TRPV1: variants seen among roughly 807,000 people sequenced by gnomAD.
The protein encoded by TRPV1 is OTRPC1.
TRPV1 carries 82 observed loss-of-function variants against 82.3 expected under a neutral mutation model. That is an observed-to-expected ratio of 1.00 (90% CI 0.83 to 1.20). The LOEUF is 1.20. Ranked by LOEUF, TRPV1 falls within the 50% of genes most tolerant of loss-of-function variation. The pLI, the probability that TRPV1 is intolerant of heterozygous loss-of-function variation, is 0.00. For synonymous variants in TRPV1, 515 were observed against 467.7 expected, an observed-to-expected ratio of 1.10 and a Z score of -1.30; for missense variants, 1,067 against 1,096.8, an observed-to-expected ratio of 0.97 and a Z score of 0.38.
In TRPV1 at chr17:3,581,033, A is replaced by T. The variant is rs868135940; in HGVS notation, c.1477-506T>A. Among the ~76,000 whole-genome samples the T allele has an allele frequency of 2.8e-3, 427 of 150,770 alleles. 4 individuals carry two copies. Among genetic ancestry groups the T allele is most frequent in the Middle Eastern group, 0.017 (5 of 292 alleles). Reference sequence around the variant, plus strand: ...CTCCATCTCAAAAAAAAAAAAAAAAATTACACAGTGGATTTACAACTATAC... The same window carrying T: ...CTCCATCTCAAAAAAAAAAAAAAAATTTACACAGTGGATTTACAACTATAC... On this transcript the variant is annotated intron_variant, in intron 10 of 16. Transcript: ENST00000572705.
chr17:3,573,551 C>CCCCCCCCCCCCCCCCGTG, intron 14 of TRPV1, 82 bp downstream of exon 14: 1 of 635,234 alleles, frequency 1.6e-6, no homozygotes, highest in Non-Finnish European at 2.1e-6. Context: ...ACCCACCCAC[C>CCCCCCCCCCCCCCCCGTG]TGCAGCCAGC....
Position 3,606,307 on chromosome 17 carries a change from G to A in TRPV1, c.-34+2120C>T, listed in dbSNP as rs982062695. Among the ~76,000 whole-genome samples, 16 of 152,282 alleles carry A rather than the reference G, an allele frequency of 1.1e-4. No individual in the cohort carries two copies. The East Asian group carries it at 2.9e-3, about 28-fold the overall frequency. On this transcript the variant is annotated intron_variant, in intron 2 of 16. Transcript: ENST00000572705. The stretch of plus-strand genomic sequence containing the variant: ...CTGCACGTCCCTCGCTGGTTGGTGA[G>A]AACTCTACACCACACTGTCCTCACT...
At chr17:3,604,308 G>C (rs2075283444) in intron 2 of TRPV1, among the ~76,000 whole-genome samples, 1 of 152,056 alleles carries the variant, frequency 6.6e-6, no homozygotes, top group Non-Finnish European at 1.5e-5. Context: ...CAGAAGAAGA[G>C]AAAAATAGGC....
In TRPV1 at chr17:3,583,366, A is replaced by AAC; in HGVS notation, c.1446_1447dup (p.Leu483CysfsTer2). ...TCGGAAAAAGAAGTAGACTCCTCCT[A>AAC]ACACAGACAGGATCTCTCCAGTAAC... On this transcript the variant is annotated frameshift_variant, in exon 10 of 17. Transcript: ENST00000572705. LOFTEE classifies it high-confidence loss of function. 6.2e-7 allele frequency: 1 copy of AAC among 1,610,406 alleles called. No homozygotes were observed. The highest frequency in any genetic ancestry group is 8.5e-7 in the Non-Finnish European group (1 of 1,178,314).
At chr17:3,601,019 GC>G (rs2075258193) in intron 2 of TRPV1, among the ~76,000 whole-genome samples, 1 of 151,782 alleles carries the variant, frequency 6.6e-6, no homozygotes, top group Admixed American at 6.6e-5. Flanking sequence ...AAGCCCACAA[GC>G]CCCCTCCCCC....
chr17:3,580,233 C>T (rs751396215), intron 11 of TRPV1, among the ~76,000 whole-genome samples: 21 of 152,202 alleles, frequency 1.4e-4, no homozygotes, highest in Non-Finnish European at 2.4e-4. Flanking sequence ...CCGTCTCACT[C>T]GGACTGTAAG....
chr17:3,591,347 CA>C lies in TRPV1; in HGVS notation c.290del (p.Leu97ArgfsTer64). The C allele has an allele frequency of 6.4e-7, 1 of 1,574,748 alleles. No homozygotes were observed. The highest frequency in any genetic ancestry group is 8.6e-7 in the Non-Finnish European group (1 of 1,162,012). ...PGDGPTGARLLSQDSVAASTE... is the reference protein window; with the variant it reads ...PGDGPTGARLXSQDSVAASTE... ...TGCTGGCGGCGACAGAGTCCTGGGACAGCAGCCTGTGGGCCAGAAAACACGC... is the reference window on the plus strand; with the variant it reads ...TGCTGGCGGCGACAGAGTCCTGGGACGCAGCCTGTGGGCCAGAAAACACGC... On this transcript the variant is annotated frameshift_variant, in exon 4 of 17. Coordinates refer to ENST00000572705, the MANE Select transcript of TRPV1 (RefSeq NM_080704.4). LOFTEE classifies it high-confidence loss of function.
intron 16 of TRPV1, among the ~76,000 whole-genome samples, chr17:3,567,896 A>G (rs908484361): frequency 6.6e-5 from 10 of 152,232 alleles, no homozygotes; most frequent in African/African-American, 2.4e-4. Flanking sequence ...GTCTTTATAA[A>G]TATCACAGTG....
chr17:3,587,218 G>A (rs1567668113), intron 8 of TRPV1, among the ~76,000 whole-genome samples: 1 of 152,196 alleles, frequency 6.6e-6, no homozygotes, highest in Non-Finnish European at 1.5e-5. Context: ...ACTCTGAGTT[G>A]GAGGCCCAGG....
Position 3,596,367 on chromosome 17 carries a change from G to A in TRPV1, c.-33-3984C>T, listed in dbSNP as rs143233883. ...GCTCGCCACTGGGGACTTTCTGGAA[G>A]CTGGGAGAACGCTGGCCCAGGACCC... On this transcript the variant is annotated intron_variant, in intron 2 of 16. Coordinates refer to ENST00000572705, the MANE Select transcript of TRPV1 (RefSeq NM_080704.4). Among the ~76,000 whole-genome samples the A allele has an allele frequency of 1.6e-4, 25 of 152,330 alleles. No homozygotes were observed. In the East Asian group the frequency reaches 4.1e-3, roughly 25 times the overall value.
chr17:3,588,228 G>C lies in TRPV1; in HGVS notation c.1184C>G (p.Ser395Trp), dbSNP rs199792776. 1 of 1,577,910 alleles carries C rather than the reference G, an allele frequency of 6.3e-7. No homozygotes were observed. Among genetic ancestry groups the C allele is most frequent in the Non-Finnish European group, 8.6e-7 (1 of 1,162,474 alleles). ...GCTGTAGGCGATCACCTCCAGCACC[G>C]AGTTCTTCTCGCAGGTGTCGATGCA... ...LSCIDTCEKN[S>W]VLEVIAYSSS... is the part of the protein sequence containing the mutation. Residue 395 changes from serine to tryptophan, a missense_variant, in exon 8 of 17, where the codon TCG becomes TGG. By Grantham distance (177) the Ser-to-Trp change is radical (BLOSUM62 -3). Transcript: ENST00000572705.
In TRPV1 at chr17:3,577,612, C is replaced by A; in HGVS notation, c.1699G>T (p.Val567Phe). The part of the protein sequence containing the change: ...RGFQQMGIYA[V>F]MIEKMILRDL... Reference sequence around the variant, plus strand: ...AGGGAACCCACCTTCTCTATCATGACGGCATAGATGCCCATCTGCTGGAAA... The same window carrying A: ...AGGGAACCCACCTTCTCTATCATGAAGGCATAGATGCCCATCTGCTGGAAA... The change falls in exon 12 of 17, where the codon GTC becomes TTC. Residue 567 changes from valine to phenylalanine, a missense_variant. By Grantham distance (50) the Val-to-Phe change is conservative (BLOSUM62 -1). Coordinates refer to ENST00000572705, the MANE Select transcript of TRPV1 (RefSeq NM_080704.4). The A allele has an allele frequency of 6.3e-7, 1 of 1,579,334 alleles. No homozygotes were observed. The highest frequency in any genetic ancestry group is 8.6e-7 in the Non-Finnish European group (1 of 1,162,806).
intron 8 of TRPV1, among the ~76,000 whole-genome samples, chr17:3,587,505 C>T (rs1482276757): frequency 6.6e-6 from 1 of 152,138 alleles, no homozygotes; most frequent in Non-Finnish European, 1.5e-5. Flanking sequence ...AAGTAAGATG[C>T]CTACTTCACA....
At chr17:3,576,715 C>A (rs224521) in intron 13 of TRPV1, among the ~76,000 whole-genome samples, 2 of 131,548 alleles carry the variant, frequency 1.5e-5, no homozygotes, top group Non-Finnish European at 3.1e-5. Context: ...CGGGCATGGT[C>A]GTGGGCGCCT....
At chr17:3,594,955 G>A (rs908555345) in intron 2 of TRPV1, among the ~76,000 whole-genome samples, 2 of 152,142 alleles carry the variant, frequency 1.3e-5, no homozygotes, top group African/African-American at 2.4e-5. Context: ...ACAGGAGGCC[G>A]GGTTAGAACC....
At chr17:3,577,874 A>C (rs2074955824) in intron 11 of TRPV1, 111 bp from the exon 12 acceptor site, 4 of 1,042,432 alleles carry the variant, frequency 3.8e-6, no homozygotes, top group Non-Finnish European at 2.8e-6. Context: ...CCGCAATAGG[A>C]GCTAGGGTTG....
intron 5 of TRPV1, 128 bp from the exon 6 acceptor site, chr17:3,590,520 A>C: frequency 7.3e-7 from 1 of 1,378,848 alleles, no homozygotes; most frequent in Non-Finnish European, 9.6e-7. Flanking sequence ...TGCCTGGAGG[A>C]CCCCCCCACT....
At position 3,592,264 on chromosome 17, in the gene TRPV1, A is replaced by G. The variant is rs1567672171; in HGVS notation, c.87T>C (p.Pro29=). Residue 29 remains proline, a synonymous_variant, in exon 3 of 17, where the codon CCT becomes CCC. Coordinates refer to ENST00000572705, the MANE Select transcript of TRPV1 (RefSeq NM_080704.4). ...GCTTGGCTGGAGGTGGCCTGGAGTT[A>G]GGGTCTCCATCCAGGGGGTCTGGGC... The part of the protein sequence containing the change: ...DTCPDPLDGD[P]NSRPPPAKPQ... 1.2e-6 allele frequency: 2 copies of G among 1,608,090 alleles called. No homozygotes were observed. The highest frequency in any genetic ancestry group is 1.7e-6 in the Non-Finnish European group (2 of 1,177,350).
At chr17:3,567,672 C>T (rs982211872) in intron 16 of TRPV1, among the ~76,000 whole-genome samples, 7 of 151,304 alleles carry the variant, frequency 4.6e-5, no homozygotes, top group African/African-American at 1.7e-4. Context: ...GTGAGTGGCT[C>T]AACACCAGGG....
Sources: gnomAD v4.1 joint callset for allele counts (sites outside exome capture counted in the v4.1 genomes callset) on GRCh38, gnomAD v4.1.1 for gene constraint, MANE v1.5 for transcripts, NCBI Gene and HGNC (gene_info 2026-07-23, HGNC 2026-07-21) for gene names.